Variants in EML2 observed in about 807,000 individuals in gnomAD.
EML2 encodes EMAP like 2, also known as echinoderm microtubule-associated protein-like 2.
A neutral mutation model predicts 84.7 loss-of-function variants in EML2; 59 were observed. The ratio of observed to expected loss-of-function variants is 0.70; its 90% CI spans 0.56 to 0.86. The LOEUF (loss-of-function observed/expected upper bound fraction) is 0.86, where lower values mean the gene tolerates loss of function less well. Among genes scored for constraint, EML2 ranks in the 40% least tolerant of loss-of-function variants. The probability of loss-of-function intolerance (pLI) is 0.00; values close to 1 mark genes in which losing one functional copy is unlikely to be tolerated. For synonymous variants in EML2, 352 were observed against 348.9 expected (o/e 1.01, Z -0.10); for missense variants, 818 against 855.6 (o/e 0.96, Z 0.55).
rs749629747 is a variant in EML2 at position 45,624,694 on chromosome 19, A to G, written c.841+25T>C. 8 of 1,583,166 alleles carry G rather than the reference A, an allele frequency of 5.1e-6. No individual in the cohort carries two copies. The African/African-American group carries it at 6.7e-5, about 13-fold the overall frequency. The stretch of plus-strand genomic sequence containing the variant: ...AGTGTTTCAGAAGACTGGATTGGGA[A>G]CCAAACAGATGGGGTGACACTGACC... On this transcript the variant is annotated intron_variant, in intron 9 of 18. Transcript: ENST00000245925.
At chr19:45,641,308 G>C (rs1300765579), upstream of EML2, 1 of 262,552 alleles carries the variant, frequency 3.8e-6, no homozygotes. Context: ...CTGCTGCCTT[G>C]ACTTCATCCC....
At chr19:45,613,432 G>C in intron 18 of EML2, 109 bp downstream of exon 18, 1 of 1,360,232 alleles carries the variant, frequency 7.4e-7, no homozygotes, top group South Asian at 1.3e-5. Flanking sequence ...TTGTACAGAT[G>C]GGGAAACCGA....
rs764416550 is a variant in EML2, at chr19:45,616,756, G to A, written c.1411+9C>T. 1.9e-6 allele frequency: 3 copies of A among 1,611,530 alleles called. No individual in the cohort carries two copies. The highest frequency in any genetic ancestry group is 2.5e-6 in the Non-Finnish European group (3 of 1,178,966). On this transcript the variant is annotated intron_variant, in intron 14 of 18. Transcript: ENST00000245925. ...CCTGCCGCTTGGGTGTCCCAGGCCT[G>A]CCGCTTACCTGGGGAGAAGCTGACC... is the stretch of plus-strand genomic sequence containing the variant.
chr19:45,633,019 C>G (rs1457893299), intron 5 of EML2, 48 bp from the exon 6 acceptor site: 4 of 1,602,332 alleles, frequency 2.5e-6, no homozygotes. Flanking sequence ...GCTGCTTGTC[C>G]CCCACAACTG....
intron 6 of EML2, among the ~76,000 whole-genome samples, chr19:45,631,404 G>T (rs1973008395): frequency 7.2e-6 from 1 of 138,264 alleles, no homozygotes; most frequent in Non-Finnish European, 1.6e-5. Flanking sequence ...TGTAAAATAT[G>T]ATTTTTATCT....
At chr19:45,619,343 C>A (rs1000320840) in intron 11 of EML2, 152 bp from the exon 12 acceptor site, 18 of 998,068 alleles carry the variant, frequency 1.8e-5, no homozygotes, top group Non-Finnish European at 2.5e-5. Context: ...CTGAAGGGGG[C>A]CTCAATTGGG....
chr19:45,618,962 A>AG, intron 12 of EML2, 98 bp downstream of exon 12: 1 of 1,321,706 alleles, frequency 7.6e-7, no homozygotes, highest in Non-Finnish European at 9.9e-7. Context: ...AAAAAAAAAA[A>AG]AGACCTTGTT....
intron 9 of EML2, among the ~76,000 whole-genome samples, chr19:45,622,046 C>A (rs1971778818): frequency 6.6e-6 from 1 of 151,872 alleles, no homozygotes; most frequent in Non-Finnish European, 1.5e-5. Flanking sequence ...CCCGGCCCCA[C>A]CTTTCGACCT....
intron 7 of EML2, 101 bp downstream of exon 7, chr19:45,629,850 G>A: frequency 5.4e-6 from 5 of 930,390 alleles, no homozygotes; most frequent in Non-Finnish European, 8.7e-6. Flanking sequence ...GTAAAGCCAG[G>A]GCTTAAACAC....
At position 45,614,678 on chromosome 19, in the gene EML2, C is replaced by T. The variant is rs991097281; in HGVS notation, c.1620G>A (p.Gln540=). 7 of 1,614,078 alleles carry T rather than the reference C, an allele frequency of 4.3e-6. No individual in the cohort carries two copies. The highest frequency in any genetic ancestry group is 5.9e-6 in the Non-Finnish European group (7 of 1,179,932). The change falls in exon 17 of 19, where the codon CAG becomes CAA. Residue 540 remains glutamine, a synonymous_variant. Coordinates refer to ENST00000245925, the MANE Select transcript of EML2 (RefSeq NM_012155.4). The stretch of plus-strand genomic sequence containing the variant: ...TCCTCACAGCATCCGCACTGGTGAT[C>T]TGCTTACAGGTAGCCGGGTCCCCTG... ...ILYWDPATCK[Q]ITSADAVRNM...
At chr19:45,637,001 C>T (rs1000690543) in intron 3 of EML2, among the ~76,000 whole-genome samples, 10 of 152,272 alleles carry the variant, frequency 6.6e-5, no homozygotes, top group African/African-American at 2.4e-4. Context: ...CTCTGACCTG[C>T]AGTCACTGCA....
At chr19:45,610,383 G>A (rs747723338) in intron 18 of EML2, among the ~76,000 whole-genome samples, 1 of 150,426 alleles carries the variant, frequency 6.6e-6, no homozygotes, top group Non-Finnish European at 1.5e-5. Flanking sequence ...GTGACAGAGT[G>A]AGACTCTGTC....
At position 45,638,669 on chromosome 19, in the gene EML2, C is replaced by G. The variant is rs1376808978; in HGVS notation, c.50-35G>C. ...CACCCCCAGAGGTCAGGCACTGACA[C>G]CAGCCCCATCCCTATTCCCTCTCCT... is the stretch of plus-strand genomic sequence containing the variant. On this transcript the variant is annotated intron_variant, in intron 2 of 18. Transcript: ENST00000245925. The G allele has an allele frequency of 1.9e-6, 3 of 1,607,356 alleles. No individual in the cohort carries two copies. The South Asian group carries it at 3.3e-5, about 18-fold the overall frequency.
At chr19:45,625,318 G>C (rs774404953) in intron 8 of EML2, among the ~76,000 whole-genome samples, 4 of 152,184 alleles carry the variant, frequency 2.6e-5, no homozygotes, top group Admixed American at 6.5e-5. Context: ...TCGGCTCACT[G>C]CAACCTCCAC....
upstream of EML2, chr19:45,641,864 T>A: frequency 2.0e-6 from 3 of 1,476,108 alleles, no homozygotes; most frequent in Non-Finnish European, 2.7e-6. Context: ...ACAAACCACC[T>A]CTGTCTCCCA....
chr19:45,618,951 A>G (rs773732863), intron 12 of EML2, 109 bp downstream of exon 12: 4 of 323,340 alleles, frequency 1.2e-5, no homozygotes, highest in Non-Finnish European at 1.9e-5. Context: ...CACCTCGAAG[A>G]AAAAAAAAAA....
At chr19:45,642,673 T>A, upstream of EML2, 1 of 452,954 alleles carries the variant, frequency 2.2e-6, no homozygotes, top group Non-Finnish European at 3.2e-6. Context: ...ATGCTATGAC[T>A]AAGACGTGAC....
upstream of EML2, chr19:45,642,425 C>T: frequency 6.7e-7 from 1 of 1,482,276 alleles, no homozygotes; most frequent in Non-Finnish European, 9.0e-7. Context: ...TCCCGCCTTC[C>T]TGGGTCTAAG....
chr19:45,611,896 C>T (rs905611140), intron 18 of EML2, among the ~76,000 whole-genome samples: 1 of 151,868 alleles, frequency 6.6e-6, no homozygotes, highest in Non-Finnish European at 1.5e-5. Flanking sequence ...TGTTTTATGA[C>T]GGAGCCTTGC....
Sources: allele counts gnomAD v4.1 joint callset (sites outside exome capture counted in the v4.1 genomes callset), GRCh38; gene constraint gnomAD v4.1.1; transcripts MANE v1.5; gene names NCBI Gene and HGNC (gene_info 2026-07-23, HGNC 2026-07-21).